The following LYPD6 variants were observed in gnomAD, a reference collection of about 807,000 sequenced individuals.
LYPD6 encodes the protein LY6/PLAUR domain containing 6, also known as ly6/PLAUR domain-containing protein 6.
In LYPD6, 15 loss-of-function variants were observed where a neutral mutation model predicts 22.7. The ratio of observed to expected loss-of-function variants is 0.66; its 90% confidence interval spans 0.44 to 1.02. The LOEUF (loss-of-function observed/expected upper bound fraction) is 1.02, where lower values mean the gene tolerates loss of function less well. LYPD6 is among the 50% of genes least tolerant of loss of function. LYPD6 has a pLI of 0.00. For synonymous variants in LYPD6, 72 were observed against 77.5 expected, an observed-to-expected ratio of 0.93 and a Z score of 0.37; for missense variants, 189 against 208.4, an observed-to-expected ratio of 0.91 and a Z score of 0.57.
chr2:149,479,989 CCTGCCACT>C, the LYPD6 span, among the ~76,000 whole-genome samples: 1 of 151,754 alleles, frequency 6.6e-6, no homozygotes, highest in Non-Finnish European at 1.5e-5. Context: ...TTGAAAGGTA[CCTGCCACT>C]CTGCTTTCCT....
chr2:149,462,373 T>TA (rs1270619621), intron 3 of LYPD6, among the ~76,000 whole-genome samples: 7 of 151,902 alleles, frequency 4.6e-5, no homozygotes, highest in Non-Finnish European at 7.4e-5. Flanking sequence ...AAAACATGTA[T>TA]AGGACTTGTA....
intron 1 of LYPD6, among the ~76,000 whole-genome samples, chr2:149,427,360 A>C (rs1322959807): frequency 6.6e-6 from 1 of 152,238 alleles, no homozygotes. Context: ...TTAATGAAAG[A>C]CACTAAAGGC....
intron 3 of LYPD6, among the ~76,000 whole-genome samples, chr2:149,460,923 CAATG>C (rs1681074186): frequency 6.6e-6 from 1 of 151,932 alleles, no homozygotes; most frequent in African/African-American, 2.4e-5. Context: ...ATTTAAAAGA[CAATG>C]AACTGAATGA....
chr2:149,448,496 A>G (rs1185096370), intron 2 of LYPD6, among the ~76,000 whole-genome samples: 1 of 152,114 alleles, frequency 6.6e-6, no homozygotes, highest in African/African-American at 2.4e-5. Flanking sequence ...CAGTAACACA[A>G]GGGTTCCTCC....
At chr2:149,442,655 A>AC (rs1683593678) in intron 2 of LYPD6, among the ~76,000 whole-genome samples, 1 of 152,148 alleles carries the variant, frequency 6.6e-6, no homozygotes, top group African/African-American at 2.4e-5. Flanking sequence ...AAAAAAAAAA[A>AC]AAAAACCTCT....
At chr2:149,478,837 A>G (rs1418193448), downstream of LYPD6, among the ~76,000 whole-genome samples, 1 of 152,288 alleles carries the variant, frequency 6.6e-6, no homozygotes, top group East Asian at 1.9e-4. Context: ...TGGTACTTAC[A>G]TGAAGGGAAT....
intron 2 of LYPD6, among the ~76,000 whole-genome samples, chr2:149,441,158 G>A (rs932934461): frequency 1.2e-4 from 19 of 152,140 alleles, no homozygotes; most frequent in African/African-American, 3.9e-4. Context: ...CTACAAATAA[G>A]CAGGTATCTG....
intron 1 of LYPD6, among the ~76,000 whole-genome samples, chr2:149,380,160 G>A (rs193057432): frequency 4.6e-5 from 7 of 152,284 alleles, no homozygotes; most frequent in Admixed American, 2.0e-4. Context: ...AATAGCAAGC[G>A]GTGGAATGAT....
intron 1 of LYPD6, among the ~76,000 whole-genome samples, chr2:149,398,016 T>G (rs1053630252): frequency 2.6e-5 from 4 of 152,158 alleles, no homozygotes; most frequent in Non-Finnish European, 5.9e-5. Flanking sequence ...AACAACTAAC[T>G]AGAATTAAAG....
chr2:149,349,281 CAG>C (rs2105057085), intron 1 of LYPD6, among the ~76,000 whole-genome samples: 1 of 152,172 alleles, frequency 6.6e-6, no homozygotes, highest in African/African-American at 2.4e-5. Flanking sequence ...CTGTCAGAGA[CAG>C]AGTGAAGACA....
At chr2:149,474,505 A>G (rs752455314), downstream of LYPD6, among the ~76,000 whole-genome samples, 30 of 151,898 alleles carry the variant, frequency 2.0e-4, no homozygotes, top group Admixed American at 1.3e-3. Context: ...ACTGCACCCA[A>G]TCTCTGGTTA....
At chr2:149,481,841 G>T in the LYPD6 span, among the ~76,000 whole-genome samples, 18 of 152,098 alleles carry the variant, frequency 1.2e-4, no homozygotes, top group Non-Finnish European at 1.8e-4. Context: ...ATGCAATGTG[G>T]TTATATTACT....
At position 149,393,315 on chromosome 2, in the gene LYPD6, A is replaced by C. The variant is rs77859860; in HGVS notation, c.-71-44323A>C. On this transcript the variant is annotated intron_variant, in intron 1 of 4. Transcript: ENST00000334166. ...CTCGAAGAGGGTCCATTTAAAACCT[A>C]TTCTTGTGTTCCCATCATTTTCGGC... Among the ~76,000 whole-genome samples the C allele has an allele frequency of 8.9e-3, 1,352 of 152,242 alleles. 22 individuals are homozygous for C. The highest frequency in any genetic ancestry group is 0.031 in the African/African-American group (1,300 of 41,554).
chr2:149,383,309 TTTTG>T (rs2105090026), intron 1 of LYPD6, among the ~76,000 whole-genome samples: 1 of 152,302 alleles, frequency 6.6e-6, no homozygotes, highest in Non-Finnish European at 1.5e-5. Context: ...TTTGTAATAT[TTTTG>T]TTTCTTACTA....
downstream of LYPD6, among the ~76,000 whole-genome samples, chr2:149,478,875 C>T (rs1232115546): frequency 6.6e-6 from 1 of 152,044 alleles, no homozygotes; most frequent in Non-Finnish European, 1.5e-5. Flanking sequence ...TGGATCTGTC[C>T]CACCCACATT....
Position 149,437,513 on chromosome 2 carries a change from C to T in LYPD6, c.-71-125C>T, listed in dbSNP as rs1212215148. The T allele has an allele frequency of 5.7e-6, 4 of 697,806 alleles. No individual in the cohort carries two copies. In the African/African-American group the frequency reaches 7.2e-5, roughly 12 times the overall value. The allele number at this position is 697,806 out of a possible 1,614,324, so 43.2% of individuals were successfully genotyped here. ...AAATTACTGTTGATAAAGTTTCTCT[C>T]CATGTCTACCCACTTCCTTGTGCCC... On this transcript the variant is annotated intron_variant, in intron 1 of 4. Transcript: ENST00000334166.
intron 1 of LYPD6, among the ~76,000 whole-genome samples, chr2:149,436,748 A>AT (rs1338447197): frequency 6.6e-6 from 1 of 151,996 alleles, no homozygotes; most frequent in Non-Finnish European, 1.5e-5. Context: ...CACCCAACTA[A>AT]TTTTTTGTGT....
chr2:149,429,169 A>T (rs184269021), intron 1 of LYPD6, among the ~76,000 whole-genome samples: 111 of 152,270 alleles, frequency 7.3e-4, no homozygotes, highest in Admixed American at 4.0e-3. Context: ...CATGCTAGTG[A>T]CGCAGCCCTG....
At chr2:149,477,679 G>A (rs1319880168), downstream of LYPD6, among the ~76,000 whole-genome samples, 6 of 148,482 alleles carry the variant, frequency 4.0e-5, no homozygotes. Context: ...CCTATTTGGA[G>A]TATTTAGGAA....
Sources: gnomAD v4.1 joint callset for allele counts (sites outside exome capture counted in the v4.1 genomes callset) on GRCh38, gnomAD v4.1.1 for gene constraint, MANE v1.5 for transcripts, NCBI Gene and HGNC (gene_info 2026-07-23, HGNC 2026-07-21) for gene names.